Variants in LYAR observed in about 807,000 individuals in gnomAD.
The protein encoded by LYAR is cell growth-regulating nucleolar protein.
Under a neutral mutation model 45.2 loss-of-function variants are expected in LYAR, and 37 were observed. That is an observed-to-expected ratio of 0.82 (90% CI 0.63 to 1.08). The LOEUF (loss-of-function observed/expected upper bound fraction) is 1.08. Among genes scored for constraint, LYAR ranks in the 50% least tolerant of loss-of-function variants. The probability of loss-of-function intolerance (pLI) is 0.00; values close to 1 mark genes in which losing one functional copy is unlikely to be tolerated. For synonymous variants in LYAR, 176 were observed against 155.1 expected (o/e 1.14, Z -1.00); for missense variants, 493 against 451.0 (o/e 1.09, Z -0.84).
chr4:4,281,031 G>A (rs1207973158), intron 4 of LYAR, among the ~76,000 whole-genome samples: 1 of 152,168 alleles, frequency 6.6e-6, no homozygotes, highest in African/African-American at 2.4e-5. Context: ...CATTTCTACT[G>A]TGCATGTTTT....
In LYAR at chr4:4,273,554, G is replaced by A. The variant is rs199638823; in HGVS notation, c.919+29C>T. 85 of 1,552,892 alleles carry A rather than the reference G, an allele frequency of 5.5e-5. 1 individual carries two copies. The Admixed American group carries it at 7.5e-4, about 14-fold the overall frequency. ...TCAGCGAGAGCCGCTGTGCCCAGCC[G>A]TGCTCCTCAAATGACAGCAGTGATA... On this transcript the variant is annotated intron_variant, in intron 8 of 9. Transcript: ENST00000343470.
chr4:4,288,130 T>C (rs1344689092), intron 1 of LYAR, among the ~76,000 whole-genome samples: 1 of 152,242 alleles, frequency 6.6e-6, no homozygotes. Context: ...TCTGTTTATC[T>C]GTAAAATGGA....
Position 4,274,622 on chromosome 4 carries a change from CCTTT to C in LYAR, c.573_576del (p.Glu193AsnfsTer13). On this transcript the variant is annotated frameshift_variant, in exon 7 of 10. Coordinates refer to ENST00000343470, the MANE Select transcript of LYAR (RefSeq NM_017816.3). LOFTEE classifies it high-confidence loss of function. ...CTTTTCCTTTTCTTCTGCCGTTCTT[CCTTT>C]CTTTCTCTTTTATTCTTCTTCACCT... The C allele has an allele frequency of 3.1e-6, 5 of 1,614,048 alleles. No homozygotes were observed. Among genetic ancestry groups the C allele is most frequent in the Non-Finnish European group, 4.2e-6 (5 of 1,180,024 alleles).
At chr4:4,278,175 C>T (rs1390751294) in intron 6 of LYAR, among the ~76,000 whole-genome samples, 2 of 152,094 alleles carry the variant, frequency 1.3e-5, no homozygotes, top group East Asian at 3.9e-4. Flanking sequence ...TTTCAAAGGG[C>T]CAATTTGTAC....
chr4:4,288,489 T>TC (rs1218322535), intron 1 of LYAR, among the ~76,000 whole-genome samples: 1 of 147,696 alleles, frequency 6.8e-6, no homozygotes, highest in East Asian at 2.0e-4. Context: ...TTTTTTTCTT[T>TC]TTTTTTTTTT....
At position 4,268,042 on chromosome 4, in the gene LYAR, C is replaced by T; in HGVS notation, c.1006-19G>A. The stretch of plus-strand genomic sequence containing the variant: ...CTAAAACCTTCACAAAGAAAAACAT[C>T]AAATGAGTGTATTTGACCTGGAAAA... On this transcript the variant is annotated intron_variant, in intron 9 of 9. Transcript: ENST00000343470. 6.4e-7 allele frequency: 1 copy of T among 1,554,406 alleles called. No homozygotes were observed. The highest frequency in any genetic ancestry group is 2.4e-5 in the East Asian group (1 of 42,096).
rs995825186 is a variant in LYAR at position 4,281,223 on chromosome 4, T to A, written c.237+560A>T. Among the ~76,000 whole-genome samples, 3 of 152,158 alleles carry A rather than the reference T, an allele frequency of 2.0e-5. No individual in the cohort carries two copies. The East Asian group carries it at 5.8e-4, about 29-fold the overall frequency. On this transcript the variant is annotated intron_variant, in intron 4 of 9. Transcript: ENST00000343470. ...AGTTTTACAGCCAAGGGAAAGCTAA[T>A]GAGAATTCTAAAACTTTTTTTTCAA...
At chr4:4,277,133 G>A (rs1434306891) in intron 6 of LYAR, among the ~76,000 whole-genome samples, 1 of 151,982 alleles carries the variant, frequency 6.6e-6, no homozygotes, top group African/African-American at 2.4e-5. Context: ...TGCAACCTCC[G>A]CCTCCCAGGT....
At chr4:4,274,211 T>C (rs1719074738) in intron 7 of LYAR, among the ~76,000 whole-genome samples, 156 bp downstream of exon 7, 1 of 151,280 alleles carries the variant, frequency 6.6e-6, no homozygotes, top group South Asian at 2.1e-4. Context: ...CACTCCAGCC[T>C]GGGCAACAGA....
At chr4:4,278,064 T>A (rs893765161) in intron 6 of LYAR, among the ~76,000 whole-genome samples, 2 of 152,226 alleles carry the variant, frequency 1.3e-5, no homozygotes, top group Non-Finnish European at 2.9e-5. Context: ...TCTAAAACCC[T>A]GCAGTTGAAG....
Position 4,274,368 on chromosome 4 carries a change from T to C in LYAR, c.831A>G (p.Glu277=). 6.2e-7 allele frequency: 1 copy of C among 1,608,462 alleles called. No homozygotes were observed. The change falls in exon 7 of 10, where the codon GAA becomes GAG. Residue 277 remains glutamate, a splice_region_variant and synonymous_variant. Transcript: ENST00000343470. ...CCAGAGCGTGAGCTAGCCACTTACC[T>C]TCCGAGTGCCTCCGCTTCCTCTTCC... ...GAGKRKRRHS[E]VETDSKKKKM... is the part of the protein sequence containing the mutation.
At chr4:4,268,659 A>T in intron 8 of LYAR, 44 bp from the exon 9 acceptor site, 1 of 1,337,908 alleles carries the variant, frequency 7.5e-7, no homozygotes. Flanking sequence ...GTTTTGTTGT[A>T]CTACGAGAAG....
In LYAR at chr4:4,279,870, A is replaced by AT. The variant is rs1031218921; in HGVS notation, c.238-122dup. 7.1e-5 allele frequency: 45 copies of AT among 636,524 alleles called. No homozygotes were observed. In the African/African-American group the frequency reaches 7.7e-4, roughly 11 times the overall value. The allele number at this position is 636,524 out of a possible 1,614,324, so 39.4% of individuals were successfully genotyped here. On this transcript the variant is annotated intron_variant, in intron 4 of 9. Transcript: ENST00000343470. ...TTCACGTTTTAAGCCCAGATTCTGT[A>AT]TTTATGTCTATGCTTAAAAATATAT...
intron 3 of LYAR, among the ~76,000 whole-genome samples, chr4:4,282,439 G>C (rs917944082): frequency 6.6e-6 from 1 of 152,062 alleles, no homozygotes; most frequent in African/African-American, 2.4e-5. Flanking sequence ...CAAGGTCCAG[G>C]GCAAAGTCCC....
intron 7 of LYAR, among the ~76,000 whole-genome samples, chr4:4,273,996 G>A (rs1180946811): frequency 6.6e-6 from 1 of 152,194 alleles, no homozygotes; most frequent in Non-Finnish European, 1.5e-5. Flanking sequence ...CAGCACTTTG[G>A]GAGGCCGAGG....
At chr4:4,270,265 T>G (rs1255135568) in intron 8 of LYAR, among the ~76,000 whole-genome samples, 1 of 41,818 alleles carries the variant, frequency 2.4e-5, no homozygotes, top group Non-Finnish European at 4.6e-5. Context: ...AAATGTTGAT[T>G]TGTAAAAAAA....
In LYAR at chr4:4,283,627, T is replaced by C. The variant is rs745578059; in HGVS notation, c.116A>G (p.Asp39Gly). 1 of 1,611,302 alleles carries C rather than the reference T, an allele frequency of 6.2e-7. No individual in the cohort carries two copies. The highest frequency in any genetic ancestry group is 8.5e-7 in the Non-Finnish European group (1 of 1,179,558). ...TGAATTCTGTGAAGCTTACCAGAAATCTTTACCGCAGTCAATGCAAGAAAG... is the reference window on the plus strand; with the variant it reads ...TGAATTCTGTGAAGCTTACCAGAAACCTTTACCGCAGTCAATGCAAGAAAG... Reference protein sequence around the residue: ...ECLSCIDCGKDFWGDDYKNHV... With the variant: ...ECLSCIDCGKGFWGDDYKNHV... The change falls in exon 3 of 10, where the codon GAT becomes GGT. Residue 39 changes from aspartate (D) to glycine (G), a missense_variant. By Grantham distance (94) the Asp-to-Gly change is moderately conservative. Coordinates refer to ENST00000343470, the MANE Select transcript of LYAR (RefSeq NM_017816.3).
In LYAR at chr4:4,267,705, G is replaced by C; in HGVS notation, c.*184C>G. ...AGTAATTTTTGCCACAACAAATTTA[G>C]AAGTTTGGACCAGAATATATTTTAT... On this transcript the variant is annotated 3_prime_UTR_variant, in exon 10 of 10. Coordinates refer to ENST00000343470, the MANE Select transcript of LYAR (RefSeq NM_017816.3). The C allele has an allele frequency of 8.5e-6, 4 of 469,052 alleles. No individual in the cohort carries two copies. In the South Asian group the frequency reaches 2.1e-4, roughly 25 times the overall value. The allele number at this position is 469,052 out of a possible 1,614,324, so 29.1% of individuals were successfully genotyped here. A position where few individuals can be genotyped will look rare whatever the true frequency, so the allele number is the denominator to read the frequency against.
intron 6 of LYAR, 83 bp downstream of exon 6, chr4:4,279,364 G>T: frequency 1.0e-6 from 1 of 955,792 alleles, no homozygotes; most frequent in South Asian, 1.5e-5. Context: ...AGGCTGCCTT[G>T]ACTTCCAAAA....
Sources: allele counts gnomAD v4.1 joint callset (sites outside exome capture counted in the v4.1 genomes callset), GRCh38; gene constraint gnomAD v4.1.1; transcripts MANE v1.5; gene names NCBI Gene and HGNC (gene_info 2026-07-23, HGNC 2026-07-21).